The following CCS variants were observed in gnomAD, a reference collection of about 807,000 sequenced individuals.
CCS encodes the protein copper chaperone for superoxide dismutase, also known as superoxide dismutase copper chaperone.
In CCS, 32 loss-of-function variants were observed where a neutral mutation model predicts 35.5. That is an observed-to-expected ratio of 0.90 (90% CI 0.68 to 1.21). The LOEUF is 1.21. CCS is among the 50% of genes most tolerant of loss of function. CCS has a pLI of 0.00. For missense variants in CCS, 342 were observed against 375.4 expected, an observed-to-expected ratio of 0.91 and a Z score of 0.73; for synonymous variants, 130 against 147.2, an observed-to-expected ratio of 0.88 and a Z score of 0.84.
intron 2 of CCS, among the ~76,000 whole-genome samples, chr11:66,597,416 C>T (rs1164231644): frequency 6.6e-6 from 1 of 150,668 alleles, no homozygotes; most frequent in Non-Finnish European, 1.5e-5. Context: ...CGAGATTGTG[C>T]CACTGCACTC....
chr11:66,599,212 G>A lies in CCS; in HGVS notation c.209G>A (p.Gly70Glu). Residue 70 changes from glycine (G) to glutamate (E), a missense_variant, in exon 3 of 8, where the codon GGG (glycine) becomes GAG (glutamate). Transcript: ENST00000533244. ...QEVQALLEGT[G>E]RQAVLKGMGS... ...GTGCAGGCTCTCCTGGAAGGCACGG[G>A]GCGGCAGGCGGTACTCAAGGGCATG... is the stretch of plus-strand genomic sequence containing the variant. 1.2e-6 allele frequency: 2 copies of A among 1,613,122 alleles called. No homozygotes were observed. Among genetic ancestry groups the A allele is most frequent in the Non-Finnish European group, 1.7e-6 (2 of 1,179,632 alleles).
rs532915835 is a variant in CCS at position 66,593,236 on chromosome 11, G to C, written c.-26G>C. The C allele has an allele frequency of 1.3e-6, 2 of 1,557,876 alleles. No individual in the cohort carries two copies. The highest frequency in any genetic ancestry group is 2.4e-5 in the South Asian group (2 of 84,588). ...TGCTCCTGCGCCGGAGGAGTTCTGC[G>C]TCTCGGGGTGGTGACTGGGTCCAGA... On this transcript the variant is annotated 5_prime_UTR_variant, in exon 1 of 8. Transcript: ENST00000533244.
rs146929693 is a variant in CCS, at chr11:66,598,876, C to T, written c.113-240C>T. Among the ~76,000 whole-genome samples, 38 of 152,068 alleles carry T rather than the reference C, an allele frequency of 2.5e-4. No individual in the cohort carries two copies. In the East Asian group the frequency reaches 7.3e-3, roughly 29 times the overall value. On this transcript the variant is annotated intron_variant, in intron 2 of 7. Coordinates refer to ENST00000533244, the MANE Select transcript of CCS (RefSeq NM_005125.2). Reference sequence around the variant, plus strand: ...TTCCAAAGTTATAAATAATGCCTGGCGTGTATTAGAACTCACAGAAATCCT... The same window carrying T: ...TTCCAAAGTTATAAATAATGCCTGGTGTGTATTAGAACTCACAGAAATCCT...
rs148810781 is a variant in CCS, at chr11:66,593,218, G to A, written c.-44G>A. The A allele has an allele frequency of 2.6e-6, 4 of 1,551,228 alleles. No individual in the cohort carries two copies. The highest frequency in any genetic ancestry group is 2.4e-5 in the East Asian group (1 of 41,368). On this transcript the variant is annotated 5_prime_UTR_variant, in exon 1 of 8. Transcript: ENST00000533244. ...CGACGCCGCGCTGGTTGGTGCTCCT[G>A]CGCCGGAGGAGTTCTGCGTCTCGGG...
chr11:66,605,457 C>T (rs1446759044), intron 6 of CCS, 32 bp from the exon 7 acceptor site: 3 of 1,613,498 alleles, frequency 1.9e-6, no homozygotes, highest in Non-Finnish European at 2.5e-6. Context: ...CTAACAGGGT[C>T]CATCATCTGA....
At chr11:66,605,139 A>T in intron 5 of CCS, 200 bp from the exon 6 acceptor site, 1 of 1,529,806 alleles carries the variant, frequency 6.5e-7, no homozygotes, top group Middle Eastern at 1.7e-4. Context: ...TTCCTGGACC[A>T]CTTTCCACTT....
At chr11:66,604,034 A>G (rs1475290773) in intron 5 of CCS, among the ~76,000 whole-genome samples, 3 of 150,932 alleles carry the variant, frequency 2.0e-5, no homozygotes, top group African/African-American at 7.4e-5. Flanking sequence ...GTCTCAATAA[A>G]TAAATAAATA....
At chr11:66,593,958 G>C (rs1858429356) in intron 2 of CCS, among the ~76,000 whole-genome samples, 1 of 152,184 alleles carries the variant, frequency 6.6e-6, no homozygotes, top group Non-Finnish European at 1.5e-5. Flanking sequence ...CCCAGAGACT[G>C]AGGAGCTAGG....
chr11:66,605,491 G>A lies in CCS; in HGVS notation c.570G>A (p.Val190=), dbSNP rs1453301076. The change falls in exon 7 of 8, where the codon GTG becomes GTA. Residue 190 remains valine, a splice_region_variant and synonymous_variant. Coordinates refer to ENST00000533244, the MANE Select transcript of CCS (RefSeq NM_005125.2). Reference sequence around the variant, plus strand: ...GAAGCTGTCGTCTCCCCTCAAAGGTGTGGGATGTGATTGGCCGCAGCCTGA... The same window carrying A: ...GAAGCTGTCGTCTCCCCTCAAAGGTATGGGATGTGATTGGCCGCAGCCTGA... The part of the protein sequence containing the change: ...IFRMEDEQLK[V]WDVIGRSLII... 3.7e-6 allele frequency: 6 copies of A among 1,614,024 alleles called. No homozygotes were observed. The highest frequency in any genetic ancestry group is 2.2e-5 in the East Asian group (1 of 44,870).
Position 66,599,259 on chromosome 11 carries a change from T to A in CCS, c.250+6T>A. 6.3e-7 allele frequency: 1 copy of A among 1,593,532 alleles called. No homozygotes were observed. The highest frequency in any genetic ancestry group is 1.4e-5 in the African/African-American group (1 of 73,994). On this transcript the variant is annotated splice_donor_region_variant and intron_variant, in intron 3 of 7. Transcript: ENST00000533244. ...CATGGGCAGCGGCCAGTTGCGTGAG[T>A]GACCACTGTGGCCTTGGCCCCTCTC... is the stretch of plus-strand genomic sequence containing the variant.
At chr11:66,601,945 G>T (rs1399019048) in intron 5 of CCS, among the ~76,000 whole-genome samples, 1 of 151,688 alleles carries the variant, frequency 6.6e-6, no homozygotes, top group African/African-American at 2.4e-5. Context: ...TGTTGGCCAG[G>T]CTGGTCTTGA....
intron 2 of CCS, among the ~76,000 whole-genome samples, chr11:66,597,877 T>C (rs1858505475): frequency 6.6e-6 from 1 of 152,040 alleles, no homozygotes; most frequent in South Asian, 2.1e-4. Flanking sequence ...GCCAAGATTA[T>C]GCCACTGCTC....
chr11:66,605,194 C>G (rs1858633769), intron 5 of CCS, 145 bp from the exon 6 acceptor site: 5 of 1,541,788 alleles, frequency 3.2e-6, no homozygotes, highest in Non-Finnish European at 4.4e-6. Flanking sequence ...CCTTGGGGAG[C>G]TCAGATCCTA....
At chr11:66,601,995 A>G (rs967921791) in intron 5 of CCS, among the ~76,000 whole-genome samples, 7 of 151,952 alleles carry the variant, frequency 4.6e-5, no homozygotes, top group Non-Finnish European at 1.0e-4. Context: ...TGGCCTCCCA[A>G]AGTGCTGGGA....
chr11:66,599,041 T>C (rs1858527157), intron 2 of CCS, 75 bp from the exon 3 acceptor site: 1 of 1,579,530 alleles, frequency 6.3e-7, no homozygotes, highest in African/African-American at 1.3e-5. Flanking sequence ...GGAGAATTGC[T>C]GTCTGTTTTT....
rs1028948765 is a variant in CCS at position 66,593,244 on chromosome 11, G to T, written c.-18G>T. The stretch of plus-strand genomic sequence containing the variant: ...CGCCGGAGGAGTTCTGCGTCTCGGG[G>T]TGGTGACTGGGTCCAGAATGGCTTC... On this transcript the variant is annotated 5_prime_UTR_variant, in exon 1 of 8. Coordinates refer to ENST00000533244, the MANE Select transcript of CCS (RefSeq NM_005125.2). The T allele has an allele frequency of 9.0e-6, 14 of 1,560,126 alleles. No individual in the cohort carries two copies. Among genetic ancestry groups the T allele is most frequent in the East Asian group, 4.7e-5 (2 of 42,214 alleles).
chr11:66,603,794 C>T (rs1336197881), intron 5 of CCS, among the ~76,000 whole-genome samples: 1 of 151,980 alleles, frequency 6.6e-6, no homozygotes, highest in Admixed American at 6.6e-5. Flanking sequence ...TGCAGTGAGC[C>T]GAGGTCGCGC....
chr11:66,603,612 C>T (rs1299067643), intron 5 of CCS, among the ~76,000 whole-genome samples: 4 of 151,838 alleles, frequency 2.6e-5, no homozygotes, highest in East Asian at 3.9e-4. Flanking sequence ...TTTGGGAGGC[C>T]GAGGCGGGCA....
At chr11:66,596,896 T>TG (rs1327805396) in intron 2 of CCS, among the ~76,000 whole-genome samples, 1 of 152,206 alleles carries the variant, frequency 6.6e-6, no homozygotes, top group Non-Finnish European at 1.5e-5. Flanking sequence ...GGTTAAGTGC[T>TG]GGGGCTCTGG....
Sources: allele counts gnomAD v4.1 joint callset (sites outside exome capture counted in the v4.1 genomes callset), GRCh38; gene constraint gnomAD v4.1.1; transcripts MANE v1.5; gene names NCBI Gene and HGNC (gene_info 2026-07-23, HGNC 2026-07-21).